The following SCHIP1 variants were observed in gnomAD, a reference collection of about 807,000 sequenced individuals.
SCHIP1 encodes the protein schwannomin interacting protein 1, also known as schwannomin-interacting protein 1.
A neutral mutation model predicts 29.7 loss-of-function variants in SCHIP1; 8 were observed. The ratio of observed to expected loss-of-function variants is 0.27; its 90% CI spans 0.16 to 0.49. The LOEUF (loss-of-function observed/expected upper bound fraction) is 0.49. Ranked by LOEUF, SCHIP1 falls within the 20% of genes least tolerant of loss-of-function variation. The pLI, the probability that SCHIP1 is intolerant of heterozygous loss-of-function variation, is 0.99. For synonymous variants in SCHIP1, 76 were observed against 94.9 expected, an observed-to-expected ratio of 0.80 and a Z score of 1.16; for missense variants, 193 against 294.6, an observed-to-expected ratio of 0.66 and a Z score of 2.52.
At chr3:159,411,900 A>G in the SCHIP1 span, among the ~76,000 whole-genome samples, 1 of 152,204 alleles carries the variant, frequency 6.6e-6, no homozygotes, top group South Asian at 2.1e-4. Flanking sequence ...AAAACATGGT[A>G]AGGTCACCAA....
the SCHIP1 span, among the ~76,000 whole-genome samples, chr3:159,717,968 G>C: frequency 6.6e-6 from 1 of 152,168 alleles, no homozygotes; most frequent in African/African-American, 2.4e-5. Flanking sequence ...GAACACTGAT[G>C]CAAAAATCCT....
At chr3:159,769,418 C>T in the SCHIP1 span, among the ~76,000 whole-genome samples, 2 of 152,212 alleles carry the variant, frequency 1.3e-5, no homozygotes, top group Admixed American at 1.3e-4. Context: ...TGTTCCCTGT[C>T]TCTGGAGACT....
chr3:159,821,386 G>T, the SCHIP1 span, among the ~76,000 whole-genome samples: 5 of 152,312 alleles, frequency 3.3e-5, no homozygotes, highest in South Asian at 1.0e-3. Flanking sequence ...CTTGAGGTTA[G>T]TGGTCATGAA....
chr3:159,802,765 G>A, the SCHIP1 span, among the ~76,000 whole-genome samples: 70 of 152,304 alleles, frequency 4.6e-4, no homozygotes, highest in Admixed American at 2.5e-3. Flanking sequence ...TTAGGTGTAA[G>A]TGACAGAAAA....
At chr3:159,404,130 G>T in the SCHIP1 span, among the ~76,000 whole-genome samples, 14 of 152,282 alleles carry the variant, frequency 9.2e-5, no homozygotes, top group East Asian at 2.7e-3. Flanking sequence ...AGTAGCAATA[G>T]CCAGGCAGTA....
At chr3:159,601,896 A>T in the SCHIP1 span, among the ~76,000 whole-genome samples, 23 of 152,170 alleles carry the variant, frequency 1.5e-4, no homozygotes, top group African/African-American at 5.1e-4. Flanking sequence ...GGATGGGGAG[A>T]TACAAGGGCT....
the SCHIP1 span, among the ~76,000 whole-genome samples, chr3:159,446,437 A>ATATTGTTGCAATACAGCAATACAG: frequency 1.2e-3 from 152 of 126,302 alleles, no homozygotes; most frequent in South Asian, 1.8e-3. Flanking sequence ...CAGCAATACA[A>ATATTGTTGCAATACAGCAATACAG]TATTGTTGCA....
the SCHIP1 span, among the ~76,000 whole-genome samples, chr3:159,637,509 G>T: frequency 6.6e-6 from 1 of 152,012 alleles, no homozygotes; most frequent in African/African-American, 2.4e-5. Context: ...AAGAAAGTTT[G>T]TAAGGAAATA....
At chr3:159,389,720 G>A in the SCHIP1 span, among the ~76,000 whole-genome samples, 1 of 152,020 alleles carries the variant, frequency 6.6e-6, no homozygotes, top group African/African-American at 2.4e-5. Context: ...ATTTGCCCAA[G>A]AGTTGGAAAC....
At chr3:159,400,854 T>C in the SCHIP1 span, among the ~76,000 whole-genome samples, 2 of 152,194 alleles carry the variant, frequency 1.3e-5, no homozygotes, top group Non-Finnish European at 2.9e-5. Flanking sequence ...TGGGCCCAAG[T>C]GATGATAGCA....
chr3:159,434,595 G>A, the SCHIP1 span, among the ~76,000 whole-genome samples: 2 of 152,076 alleles, frequency 1.3e-5, no homozygotes, highest in South Asian at 4.1e-4. Flanking sequence ...CCAAAAGCAG[G>A]AGGCATGAGG....
At chr3:159,701,768 CT>C in the SCHIP1 span, among the ~76,000 whole-genome samples, 1 of 149,754 alleles carries the variant, frequency 6.7e-6, no homozygotes, top group Non-Finnish European at 1.5e-5. Context: ...CTTTTTTTTT[CT>C]TTGCTTTATA....
the SCHIP1 span, among the ~76,000 whole-genome samples, chr3:159,828,284 C>T: frequency 1.1e-4 from 17 of 149,818 alleles, no homozygotes; most frequent in African/African-American, 4.2e-4. Flanking sequence ...TTGATTTGAT[C>T]CAAAATTTTA....
the SCHIP1 span, among the ~76,000 whole-genome samples, chr3:159,716,830 C>G: frequency 1.3e-5 from 2 of 152,076 alleles, no homozygotes; most frequent in South Asian, 4.1e-4. Flanking sequence ...GACAGATCAA[C>G]GAGACAGAAA....
the SCHIP1 span, among the ~76,000 whole-genome samples, chr3:159,522,408 CAAGT>C: frequency 1.1e-4 from 17 of 152,242 alleles, no homozygotes; most frequent in African/African-American, 3.6e-4. Context: ...ATTTACATGA[CAAGT>C]AAGAAAGAGA....
chr3:159,692,293 C>T, the SCHIP1 span, among the ~76,000 whole-genome samples: 1 of 152,150 alleles, frequency 6.6e-6, no homozygotes, highest in African/African-American at 2.4e-5. Context: ...TGGGGAAGTT[C>T]TCCTGGATAA....
chr3:159,606,445 A>G, the SCHIP1 span, among the ~76,000 whole-genome samples: 2 of 152,230 alleles, frequency 1.3e-5, no homozygotes, highest in Admixed American at 1.3e-4. Context: ...CACAGACAGC[A>G]TTTGGAAATC....
the SCHIP1 span, among the ~76,000 whole-genome samples, chr3:159,732,238 C>T: frequency 2.0e-5 from 3 of 152,218 alleles, no homozygotes; most frequent in African/African-American, 7.2e-5. Flanking sequence ...GCCTGGCAGG[C>T]AATGTCAAGA....
rs528383472 is a variant in SCHIP1, at chr3:159,852,698, CTG to C, written c.30+12488_30+12489del. On this transcript the variant is annotated intron_variant, in intron 1 of 6. Coordinates refer to ENST00000445224, the Ensembl canonical transcript of SCHIP1. ...GCTCCCAGGGCAGAAGGGTCCTTCTCTGTGTTGGAAGTGAATTTCAGTCTCGT... is the reference window on the plus strand; with the variant it reads ...GCTCCCAGGGCAGAAGGGTCCTTCTCTGTTGGAAGTGAATTTCAGTCTCGT... 9.6e-4 allele frequency among the ~76,000 whole-genome samples: 146 copies of C among 152,260 alleles called. 3 individuals carry two copies. The highest frequency in any genetic ancestry group is 3.4e-3 in the African/African-American group (140 of 41,562).
Sources: gnomAD v4.1 joint callset for allele counts (sites outside exome capture counted in the v4.1 genomes callset) on GRCh38, gnomAD v4.1.1 for gene constraint, MANE v1.5 for transcripts, NCBI Gene and HGNC (gene_info 2026-07-23, HGNC 2026-07-21) for gene names.